The following LSM3 variants were observed in gnomAD, a reference collection of about 807,000 sequenced individuals.
LSM3 encodes LSM3 homolog, U6 small nuclear RNA and mRNA degradation associated.
A neutral mutation model predicts 15.4 loss-of-function variants in LSM3; 14 were observed. The observed-to-expected ratio is 0.91, with a 90% CI of 0.60 to 1.42. The LOEUF is 1.42. LSM3 is among the 40% of genes most tolerant of loss of function. The probability of loss-of-function intolerance (pLI) is 0.00; values close to 1 mark genes in which losing one functional copy is unlikely to be tolerated. For missense variants in LSM3, 88 were observed against 127.9 expected, an observed-to-expected ratio of 0.69 and a Z score of 1.50; for synonymous variants, 46 against 45.1, an observed-to-expected ratio of 1.02 and a Z score of -0.08.
intron 1 of LSM3, among the ~76,000 whole-genome samples, chr3:14,181,249 T>C (rs1453982640): frequency 6.6e-6 from 1 of 152,178 alleles, no homozygotes; most frequent in Non-Finnish European, 1.5e-5. Flanking sequence ...TGAAATTGGG[T>C]CAGGCAGTTT....
chr3:14,195,122 A>G (rs766448318), intron 3 of LSM3, among the ~76,000 whole-genome samples: 2 of 151,846 alleles, frequency 1.3e-5, no homozygotes, highest in African/African-American at 2.4e-5. Flanking sequence ...TCATTCAGGA[A>G]CCCAGACTCC....
At chr3:14,188,342 A>G (rs923216015) in intron 3 of LSM3, among the ~76,000 whole-genome samples, 2 of 152,246 alleles carry the variant, frequency 1.3e-5, no homozygotes, top group Non-Finnish European at 2.9e-5. Context: ...TGCTGAGACC[A>G]TATGGTCCAT....
chr3:14,192,158 A>C lies in LSM3; in HGVS notation c.229-5878A>C, dbSNP rs562982834. Among the ~76,000 whole-genome samples the C allele has an allele frequency of 2.0e-5, 3 of 152,292 alleles. No homozygotes were observed. The South Asian group carries it at 6.2e-4, about 32-fold the overall frequency. ...GTGGTCTGAGAGACAGTTTGTTATG[A>C]TTTCTGTTCTTTTACATTTGCTGAG... On this transcript the variant is annotated intron_variant, in intron 3 of 3. Transcript: ENST00000306024.
chr3:14,178,951 A>G (rs1696973065), intron 1 of LSM3, 70 bp downstream of exon 1: 9 of 1,550,356 alleles, frequency 5.8e-6, no homozygotes, highest in Non-Finnish European at 8.0e-6. Context: ...GACTCAGGAA[A>G]AATGGCCAGT....
In LSM3 at chr3:14,198,748, A is replaced by T. The variant is rs1452444834; in HGVS notation, c.*632A>T. On this transcript the variant is annotated 3_prime_UTR_variant, in exon 4 of 4. Transcript: ENST00000306024. Reference sequence around the variant, plus strand: ...GTGGCGCATACTTGTAATCCCAGCTACTCAGGAGGCTGAGGCAGTAGACGC... The same window carrying T: ...GTGGCGCATACTTGTAATCCCAGCTTCTCAGGAGGCTGAGGCAGTAGACGC... 4 of 152,270 alleles carry T rather than the reference A, an allele frequency of 2.6e-5. No homozygotes were observed. The highest frequency in any genetic ancestry group is 1.5e-5 in the Non-Finnish European group (1 of 68,350). 9.4% of individuals were successfully genotyped at this position (152,270 alleles called of 1,614,324 possible). A position where few individuals can be genotyped will look rare whatever the true frequency, so the allele number is the denominator to read the frequency against.
chr3:14,189,907 C>T (rs1356827727), intron 3 of LSM3, among the ~76,000 whole-genome samples: 1 of 152,174 alleles, frequency 6.6e-6, no homozygotes, highest in Non-Finnish European at 1.5e-5. Context: ...CCCGGGTTTT[C>T]TTCTAGGATG....
At chr3:14,184,151 G>A in intron 3 of LSM3, 119 bp downstream of exon 3, 1 of 1,255,988 alleles carries the variant, frequency 8.0e-7, no homozygotes, top group Non-Finnish European at 1.0e-6. Flanking sequence ...ACTCAGTAGA[G>A]CATAGCAATT....
chr3:14,182,925 A>G (rs1459720790), intron 2 of LSM3, among the ~76,000 whole-genome samples: 2 of 152,224 alleles, frequency 1.3e-5, no homozygotes, highest in Admixed American at 6.5e-5. Context: ...CTAAAGATAA[A>G]GAACCTCTGG....
chr3:14,181,341 T>A lies in LSM3; in HGVS notation c.22-219T>A, dbSNP rs534615032. Among the ~76,000 whole-genome samples the A allele has an allele frequency of 4.8e-4, 73 of 152,364 alleles. 1 individual carries two copies. Among genetic ancestry groups the A allele is most frequent in the African/African-American group, 1.8e-3 (73 of 41,584 alleles). On this transcript the variant is annotated intron_variant, in intron 1 of 3. Transcript: ENST00000306024. Reference sequence around the variant, plus strand: ...ATGTGTGTTTTAACCTACATTTATATAGCACGTATTATGTGAAAAGCTCTG... The same window carrying A: ...ATGTGTGTTTTAACCTACATTTATAAAGCACGTATTATGTGAAAAGCTCTG...
intron 3 of LSM3, among the ~76,000 whole-genome samples, chr3:14,185,350 TCAAAA>T (rs920056075): frequency 6.0e-5 from 9 of 149,148 alleles, no homozygotes; most frequent in East Asian, 3.9e-4. Context: ...AGACTCTGTC[TCAAAA>T]CAAAACAAAA....
chr3:14,190,014 A>G (rs1192759035), intron 3 of LSM3, among the ~76,000 whole-genome samples: 19 of 152,230 alleles, frequency 1.2e-4, no homozygotes, highest in Admixed American at 1.2e-3. Context: ...TTTTCTGCAT[A>G]TAGCTAGCCA....
intron 3 of LSM3, among the ~76,000 whole-genome samples, chr3:14,191,598 A>G (rs1697140261): frequency 6.6e-6 from 1 of 152,102 alleles, no homozygotes; most frequent in Non-Finnish European, 1.5e-5. Context: ...CTCTGATGGT[A>G]GTTTGTATTT....
In LSM3 at chr3:14,198,365, T is replaced by C. The variant is rs1697205022; in HGVS notation, c.*249T>C. On this transcript the variant is annotated 3_prime_UTR_variant, in exon 4 of 4. Coordinates refer to ENST00000306024, the MANE Select transcript of LSM3 (RefSeq NM_014463.3). ...ATGCAGAACTCTTTCAGGACTTCTT[T>C]TGCTCCATTATTCTCACAGATACTT... 3 of 489,704 alleles carry C rather than the reference T, an allele frequency of 6.1e-6. No individual in the cohort carries two copies. The highest frequency in any genetic ancestry group is 1.1e-5 in the Non-Finnish European group (3 of 277,004). 30.3% of individuals were successfully genotyped at this position (489,704 alleles called of 1,614,324 possible).
At chr3:14,185,376 A>C (rs181437742) in intron 3 of LSM3, among the ~76,000 whole-genome samples, 4,707 of 149,740 alleles carry the variant, frequency 0.031, 225 homozygotes, top group African/African-American at 0.11. Context: ...CAAAACAAAA[A>C]AAAACCTATC....
At chr3:14,193,609 T>C (rs747430599) in intron 3 of LSM3, among the ~76,000 whole-genome samples, 1 of 152,270 alleles carries the variant, frequency 6.6e-6, no homozygotes, top group Non-Finnish European at 1.5e-5. Flanking sequence ...GTTCTTGTGC[T>C]ATGTTTTTCA....
At chr3:14,185,703 C>T (rs917366609) in intron 3 of LSM3, among the ~76,000 whole-genome samples, 11 of 152,182 alleles carry the variant, frequency 7.2e-5, no homozygotes, top group African/African-American at 1.9e-4. Context: ...GAATCTGAAA[C>T]GGTAACAGTA....
In LSM3 at chr3:14,200,282, G is replaced by C. The variant is rs1697222943; in HGVS notation, c.*2166G>C. ...ACCTATGTGTCAGGAAATGGAGGGA[G>C]GGGAGGCAATGTGTGAGTCCTTTTG... On this transcript the variant is annotated 3_prime_UTR_variant, in exon 4 of 4. Transcript: ENST00000306024. The C allele has an allele frequency of 6.6e-6, 1 of 152,228 alleles. No homozygotes were observed. The allele number at this position is 152,228 out of a possible 1,614,324, so 9.4% of individuals were successfully genotyped here.
chr3:14,178,853 T>A lies in LSM3; in HGVS notation c.-8T>A, dbSNP rs750494075. On this transcript the variant is annotated 5_prime_UTR_variant, in exon 1 of 4. Coordinates refer to ENST00000306024, the MANE Select transcript of LSM3 (RefSeq NM_014463.3). ...GCGAGAGGCGGGAAAGGGCGCAGGGTTTGAAACATGGCGGACGACGTAGAC... is the reference window on the plus strand; with the variant it reads ...GCGAGAGGCGGGAAAGGGCGCAGGGATTGAAACATGGCGGACGACGTAGAC... 6.2e-7 allele frequency: 1 copy of A among 1,614,052 alleles called. No individual in the cohort carries two copies. The highest frequency in any genetic ancestry group is 1.3e-5 in the African/African-American group (1 of 75,058).
At chr3:14,184,267 T>C (rs184347356) in intron 3 of LSM3, among the ~76,000 whole-genome samples, 42 of 152,270 alleles carry the variant, frequency 2.8e-4, no homozygotes, top group African/African-American at 8.2e-4. Flanking sequence ...TGAGTTCTCA[T>C]TGGTGAGCAG....
Sources: allele counts gnomAD v4.1 joint callset (sites outside exome capture counted in the v4.1 genomes callset), GRCh38; gene constraint gnomAD v4.1.1; transcripts MANE v1.5; gene names NCBI Gene and HGNC (gene_info 2026-07-23, HGNC 2026-07-21).